The following LRBA variants were observed in gnomAD, a reference collection of about 807,000 sequenced individuals.
LRBA encodes the protein lipopolysaccharide-responsive and beige-like anchor protein.
In LRBA, 176 loss-of-function variants were observed where a neutral mutation model predicts 330.0. The ratio of observed to expected loss-of-function variants is 0.53; its 90% CI spans 0.47 to 0.60. LRBA has a LOEUF of 0.60. Among genes scored for constraint, LRBA ranks in the 20% least tolerant of loss-of-function variants. The pLI, the probability that LRBA is intolerant of heterozygous loss-of-function variation, is 0.00. For missense variants in LRBA, 3,259 were observed against 3,444.8 expected (o/e 0.95, Z 1.35); for synonymous variants, 1,230 against 1,193.0 (o/e 1.03, Z -0.64).
chr4:150,406,685 G>A (rs1402955927), intron 47 of LRBA, among the ~76,000 whole-genome samples: 1 of 152,094 alleles, frequency 6.6e-6, no homozygotes, highest in African/African-American at 2.4e-5. Context: ...GCTGAAAAAT[G>A]TACCCCTCAC....
chr4:150,684,781 A>G (rs1482125359), intron 36 of LRBA, among the ~76,000 whole-genome samples: 2 of 152,304 alleles, frequency 1.3e-5, no homozygotes, highest in African/African-American at 4.8e-5. Flanking sequence ...GATAAGTAAC[A>G]TAAACTTGAT....
intron 40 of LRBA, among the ~76,000 whole-genome samples, chr4:150,492,354 C>T (rs1032467046): frequency 3.3e-5 from 5 of 152,038 alleles, no homozygotes; most frequent in Middle Eastern, 3.4e-3. Context: ...GATAATCATG[C>T]GTGCAGTTTT....
At chr4:150,591,767 T>TA (rs1184923770) in intron 38 of LRBA, among the ~76,000 whole-genome samples, 1 of 151,670 alleles carries the variant, frequency 6.6e-6, no homozygotes, top group African/African-American at 2.4e-5. Context: ...AGAACACATC[T>TA]AGGGAGGGAA....
intron 31 of LRBA, among the ~76,000 whole-genome samples, chr4:150,814,584 CCAT>C (rs1744273385): frequency 6.6e-6 from 1 of 151,180 alleles, no homozygotes; most frequent in South Asian, 2.1e-4. Context: ...AACAGAAAGA[CCAT>C]CATCACAAGG....
chr4:150,908,502 G>A (rs1464971391), intron 10 of LRBA, 35 bp from the exon 11 acceptor site: 1 of 1,561,550 alleles, frequency 6.4e-7, no homozygotes, highest in African/African-American at 1.4e-5. Context: ...AGAGTTCAAT[G>A]ATTTTTTTTC....
intron 51 of LRBA, among the ~76,000 whole-genome samples, chr4:150,312,802 G>A (rs536469254): frequency 2.6e-5 from 4 of 152,188 alleles, no homozygotes; most frequent in South Asian, 4.1e-4. Context: ...CTAATGCAGA[G>A]AGTTCAAAGA....
At chr4:150,271,750 G>A (rs952054305) in intron 56 of LRBA, among the ~76,000 whole-genome samples, 1 of 152,174 alleles carries the variant, frequency 6.6e-6, no homozygotes, top group Admixed American at 6.5e-5. Flanking sequence ...TGGGGAGTTC[G>A]AATTGGGTGG....
At chr4:150,825,723 A>G (rs2126801156) in intron 30 of LRBA, among the ~76,000 whole-genome samples, 1 of 152,250 alleles carries the variant, frequency 6.6e-6, no homozygotes, top group Admixed American at 6.5e-5. Context: ...GTTTACTGCA[A>G]TATTATAAAC....
chr4:150,267,433 AAACAAAC>A (rs947731272), intron 56 of LRBA, among the ~76,000 whole-genome samples: 3 of 83,524 alleles, frequency 3.6e-5, no homozygotes, highest in African/African-American at 4.2e-5. Context: ...GAGTCAAAAA[AAACAAAC>A]AACAACATAA....
intron 35 of LRBA, among the ~76,000 whole-genome samples, chr4:150,744,147 A>C (rs952938108): frequency 6.6e-6 from 1 of 152,218 alleles, no homozygotes; most frequent in African/African-American, 2.4e-5. Context: ...AAACCCACTA[A>C]TGAATAACTT....
chr4:150,581,407 G>A, intron 40 of LRBA: 1 of 420,360 alleles, frequency 2.4e-6, no homozygotes, highest in Non-Finnish European at 4.7e-6. Flanking sequence ...AGAGAAAGGA[G>A]GATGACTTTA....
At chr4:150,838,495 T>C (rs1291625425) in intron 28 of LRBA, among the ~76,000 whole-genome samples, 1 of 152,182 alleles carries the variant, frequency 6.6e-6, no homozygotes, top group African/African-American at 2.4e-5. Context: ...CATTTCTCTT[T>C]ACTCTTTTTT....
rs760115438 is a variant in LRBA at position 150,905,974 on chromosome 4, A to G, written c.1619T>C (p.Val540Ala). 28 of 1,613,176 alleles carry G rather than the reference A, an allele frequency of 1.7e-5. No homozygotes were observed. The highest frequency in any genetic ancestry group is 2.4e-5 in the Non-Finnish European group (28 of 1,179,616). The change falls in exon 13 of 57, where the codon GTT becomes GCT. Residue 540 changes from valine to alanine, a missense_variant. Transcript: ENST00000651943. ...YSLEKSSKSHVSRAVLELCLA... is the reference protein window; with the variant it reads ...YSLEKSSKSHASRAVLELCLA... The stretch of plus-strand genomic sequence containing the variant: ...GCAAAGTTCAAGTACTGCTCTGCTA[A>G]CATGAGATTTGGAAGACTGCAAAAA...
intron 34 of LRBA, among the ~76,000 whole-genome samples, chr4:150,766,634 TAAAAG>T (rs1255844106): frequency 6.6e-6 from 1 of 152,174 alleles, no homozygotes; most frequent in East Asian, 1.9e-4. Context: ...TTTTAATAGT[TAAAAG>T]AAAAGCTTAA....
chr4:150,460,809 T>C (rs1014548079), intron 44 of LRBA, among the ~76,000 whole-genome samples: 1 of 151,854 alleles, frequency 6.6e-6, no homozygotes, highest in Non-Finnish European at 1.5e-5. Flanking sequence ...TTTTCCTTCA[T>C]TTTAAAAATG....
Position 150,908,478 on chromosome 4 carries a change from C to A in LRBA, c.1360-11G>T. 1 of 1,579,760 alleles carries A rather than the reference C, an allele frequency of 6.3e-7. No homozygotes were observed. The highest frequency in any genetic ancestry group is 1.2e-5 in the South Asian group (1 of 84,672). On this transcript the variant is annotated splice_polypyrimidine_tract_variant and intron_variant, in intron 10 of 56. Coordinates refer to ENST00000651943, the MANE Select transcript of LRBA (RefSeq NM_001364905.1). ...AACTGCCTTTACATCCTTGTAAGATCAAAAACACAGTAAAGAGTTCAATGA... is the reference window on the plus strand; with the variant it reads ...AACTGCCTTTACATCCTTGTAAGATAAAAAACACAGTAAAGAGTTCAATGA...
intron 46 of LRBA, among the ~76,000 whole-genome samples, chr4:150,433,140 G>C (rs1750655218): frequency 6.6e-6 from 1 of 152,134 alleles, no homozygotes; most frequent in African/African-American, 2.4e-5. Context: ...CCAAACATAA[G>C]AGGGAGCTGG....
In LRBA at chr4:150,849,535, C is replaced by T. The variant is rs1750341988; in HGVS notation, c.4045G>A (p.Asp1349Asn). The change falls in exon 25 of 57, where the codon GAT (aspartate) becomes AAT (asparagine). Residue 1349 changes from aspartate (D) to asparagine (N), a missense_variant. Physicochemically the swap from Asp to Asn is conservative, Grantham distance 23. Transcript: ENST00000651943. ...GTGTTGTGTACAAAGATGACATTAT[C>T]ACTGCTATTCACGAAGTCCATAACT... ...KTVMDFVNSSDNVIFVHNTIH... is the reference protein window; with the variant it reads ...KTVMDFVNSSNNVIFVHNTIH... 6.2e-7 allele frequency: 1 copy of T among 1,612,974 alleles called. No homozygotes were observed. The highest frequency in any genetic ancestry group is 8.5e-7 in the Non-Finnish European group (1 of 1,179,098).
chr4:150,579,055 G>T (rs1287357880), intron 40 of LRBA: 1 of 341,454 alleles, frequency 2.9e-6, no homozygotes, highest in Non-Finnish European at 5.7e-6. Context: ...TATAACAAGA[G>T]AATACAGATG....
Sources: allele counts gnomAD v4.1 joint callset (sites outside exome capture counted in the v4.1 genomes callset), GRCh38; gene constraint gnomAD v4.1.1; transcripts MANE v1.5; gene names NCBI Gene and HGNC (gene_info 2026-07-23, HGNC 2026-07-21).